The following LAMA2 variants were observed in gnomAD, a reference collection of about 807,000 sequenced individuals.
LAMA2 encodes laminin subunit alpha-2.
Under a neutral mutation model 364.8 loss-of-function variants are expected in LAMA2, and 269 were observed. The observed-to-expected ratio is 0.74, with a 90% CI of 0.67 to 0.82. The LOEUF (loss-of-function observed/expected upper bound fraction) is 0.82, where lower values mean the gene tolerates loss of function less well. LAMA2 is among the 40% of genes least tolerant of loss of function. The probability of loss-of-function intolerance (pLI) is 0.00; values close to 1 mark genes in which losing one functional copy is unlikely to be tolerated. For missense variants in LAMA2, 3,807 were observed against 3,873.2 expected (o/e 0.98, Z 0.45); for synonymous variants, 1,379 against 1,370.6 (o/e 1.01, Z -0.14).
intron 1 of LAMA2, among the ~76,000 whole-genome samples, chr6:128,964,959 C>T (rs1781744051): frequency 6.6e-6 from 1 of 151,890 alleles, no homozygotes; most frequent in African/African-American, 2.4e-5. Context: ...AACAATCTAT[C>T]ATAATAAACC....
chr6:129,158,830 A>G, intron 8 of LAMA2: 13 of 1,614,102 alleles, frequency 8.1e-6, no homozygotes, highest in Non-Finnish European at 1.1e-5. Context: ...TACACCCTGA[A>G]GCTAATGTGG....
chr6:129,345,405 A>G (rs902622474), intron 30 of LAMA2, among the ~76,000 whole-genome samples: 6 of 152,192 alleles, frequency 3.9e-5, no homozygotes, highest in Non-Finnish European at 7.4e-5. Flanking sequence ...CAATAATGAA[A>G]GCAGAATTTG....
chr6:128,929,525 G>A (rs1779314262), intron 1 of LAMA2: 25 of 897,500 alleles, frequency 2.8e-5, no homozygotes, highest in Non-Finnish European at 7.6e-6. Context: ...GCTTGTACCT[G>A]TAGAGAAACT....
intron 56 of LAMA2, among the ~76,000 whole-genome samples, chr6:129,489,567 A>T (rs2114854659): frequency 6.6e-6 from 1 of 152,246 alleles, no homozygotes; most frequent in East Asian, 1.9e-4. Context: ...AACTGAACTG[A>T]GTTTTTCTTC....
intron 1 of LAMA2, among the ~76,000 whole-genome samples, chr6:129,008,328 T>G (rs1480110231): frequency 6.6e-6 from 1 of 151,850 alleles, no homozygotes; most frequent in Non-Finnish European, 1.5e-5. Context: ...AAAAAAAAAA[T>G]GCTCAAAGTG....
chr6:129,238,578 A>T lies in LAMA2; in HGVS notation c.1783-11534A>T, dbSNP rs28476675. Among the ~76,000 whole-genome samples, 108 of 10,804 alleles carry T rather than the reference A, an allele frequency of 1.0e-2. No individual in the cohort carries two copies. In the East Asian group the frequency reaches 0.14, roughly 14 times the overall value. The allele number at this position is 10,804 out of a possible 152,430, so 7.1% of individuals were successfully genotyped here. Reference sequence around the variant, plus strand: ...TCATGTGTGTGTGTGTGTGTGTGTGAGAGAGAGAGAGAGAGAGAGAGAGAG... The same window carrying T: ...TCATGTGTGTGTGTGTGTGTGTGTGTGAGAGAGAGAGAGAGAGAGAGAGAG... On this transcript the variant is annotated intron_variant, in intron 12 of 64. Transcript: ENST00000421865.
intron 40 of LAMA2, among the ~76,000 whole-genome samples, chr6:129,413,195 G>T (rs557840824): frequency 3.9e-5 from 6 of 151,942 alleles, no homozygotes; most frequent in African/African-American, 1.4e-4. Context: ...TTTTTTAAAA[G>T]AATTATTAAG....
chr6:129,239,605 G>A (rs1785254294), intron 12 of LAMA2, among the ~76,000 whole-genome samples: 2 of 152,102 alleles, frequency 1.3e-5, no homozygotes, highest in African/African-American at 2.4e-5. Context: ...CCAGACAGGT[G>A]GATCTCTACT....
chr6:128,910,429 C>G (rs1221210338), intron 1 of LAMA2, among the ~76,000 whole-genome samples: 1 of 152,106 alleles, frequency 6.6e-6, no homozygotes, highest in Non-Finnish European at 1.5e-5. Flanking sequence ...TTGATCGCAT[C>G]GGCTCCTGAG....
chr6:129,340,830 C>CAAAAAAAAAAAAAAAAA (rs34264921), intron 29 of LAMA2, among the ~76,000 whole-genome samples: 4 of 59,584 alleles, frequency 6.7e-5, no homozygotes, highest in African/African-American at 1.1e-4. Context: ...AGCTCTGTCT[C>CAAAAAAAAAAAAAAAAA]AAAAAAAAAA....
chr6:129,286,360 T>A (rs564265732), intron 18 of LAMA2, among the ~76,000 whole-genome samples: 3 of 151,078 alleles, frequency 2.0e-5, no homozygotes, highest in Non-Finnish European at 4.4e-5. Flanking sequence ...GCAAATGTCA[T>A]TGAAAGAGAA....
intron 1 of LAMA2, among the ~76,000 whole-genome samples, chr6:128,987,367 T>C (rs924792755): frequency 6.6e-6 from 1 of 152,034 alleles, no homozygotes; most frequent in Non-Finnish European, 1.5e-5. Context: ...GGTCTCAAAG[T>C]CCTGACCTTG....
Position 129,410,104 on chromosome 6 carries a change from CAACAA to C in LAMA2, c.5865+6147_5865+6151del. Among the ~76,000 whole-genome samples the C allele has an allele frequency of 1.3e-5, 2 of 152,150 alleles. 1 individual carries two copies. On this transcript the variant is annotated intron_variant, in intron 40 of 64. Transcript: ENST00000421865. ...TGCTTTTCAATCAGGTATATCCAAA[CAACAA>C]ACAAACAAATAAAATAAGACTAATG...
chr6:129,203,874 A>G (rs1212145563), intron 12 of LAMA2, among the ~76,000 whole-genome samples: 1 of 152,218 alleles, frequency 6.6e-6, no homozygotes, highest in Non-Finnish European at 1.5e-5. Flanking sequence ...TGAGGCTTCT[A>G]GCACCCCTCA....
Position 129,315,858 on chromosome 6 carries a change from G to A in LAMA2, c.3832G>A (p.Gly1278Ser), listed in dbSNP as rs571035066. ...ATATAATCCTCAAGTGATCATTCGA[G>A]GTGGGACACCTACTCATGCTAGAAT... ...STYNPQVIIR[G>S]GTPTHARIIV... Residue 1278 changes from glycine (G) to serine (S), a missense_variant, in exon 26 of 65, where the codon GGT (glycine) becomes AGT (serine). Gly to Ser is a moderately conservative substitution (Grantham distance 56). This residue lies in a region of LAMA2 where 3,333 missense variants were observed against 3,345.7 expected (regional missense o/e 1.00). Coordinates refer to ENST00000421865, the MANE Select transcript of LAMA2 (RefSeq NM_000426.4). 6.2e-7 allele frequency: 1 copy of A among 1,614,064 alleles called. No homozygotes were observed. The highest frequency in any genetic ancestry group is 1.7e-5 in the Admixed American group (1 of 60,018).
At chr6:129,297,636 T>C in intron 20 of LAMA2, 49 bp from the exon 21 acceptor site, 1 of 1,569,078 alleles carries the variant, frequency 6.4e-7, no homozygotes, top group Non-Finnish European at 8.8e-7. Context: ...TTGCTTCACT[T>C]CGAGTTAACT....
intron 1 of LAMA2, among the ~76,000 whole-genome samples, chr6:129,028,212 A>G (rs1785969290): frequency 6.6e-6 from 1 of 151,940 alleles, no homozygotes; most frequent in Admixed American, 6.6e-5. Context: ...CACTACATAC[A>G]TGCTCATAAT....
intron 1 of LAMA2, among the ~76,000 whole-genome samples, chr6:128,959,461 G>A (rs1040156261): frequency 4.6e-5 from 7 of 152,084 alleles, no homozygotes; most frequent in Non-Finnish European, 1.0e-4. Context: ...TGAAGATATT[G>A]CTTCATGGCT....
At chr6:129,462,439 G>A (rs932162825) in intron 49 of LAMA2, among the ~76,000 whole-genome samples, 3 of 151,978 alleles carry the variant, frequency 2.0e-5, no homozygotes, top group East Asian at 1.9e-4. Flanking sequence ...CGTCTTTTCC[G>A]TCATTGTGCA....
Sources: allele counts gnomAD v4.1 joint callset (sites outside exome capture counted in the v4.1 genomes callset), GRCh38; gene constraint gnomAD v4.1.1; regional missense constraint gnomAD v4.1.1; transcripts MANE v1.5; gene names NCBI Gene and HGNC (gene_info 2026-07-23, HGNC 2026-07-21).